The following SLC39A10 variants were observed in gnomAD, a reference collection of about 807,000 sequenced individuals.
SLC39A10 encodes the protein solute carrier family 39 member 10, also known as zinc transporter ZIP10.
In SLC39A10, 13 loss-of-function variants were observed where a neutral mutation model predicts 65.1. The ratio of observed to expected loss-of-function variants is 0.20; its 90% confidence interval spans 0.13 to 0.32. The LOEUF is 0.32. Among genes scored for constraint, SLC39A10 ranks in the 10% least tolerant of loss-of-function variants. The pLI, the probability that SLC39A10 is intolerant of heterozygous loss-of-function variation, is 1.00. For synonymous variants in SLC39A10, 321 were observed against 342.2 expected (o/e 0.94, Z 0.68); for missense variants, 831 against 1,018.4 (o/e 0.82, Z 2.50).
chr2:195,646,515 G>T (rs1688918898), intron 2 of SLC39A10, among the ~76,000 whole-genome samples: 1 of 152,212 alleles, frequency 6.6e-6, no homozygotes, highest in Non-Finnish European at 1.5e-5. Context: ...CAGGGTGTCA[G>T]CAGGGCCACG....
chr2:195,706,977 TCAA>T (rs1691422181), intron 4 of SLC39A10, among the ~76,000 whole-genome samples, 192 bp downstream of exon 4: 1 of 152,140 alleles, frequency 6.6e-6, no homozygotes. Context: ...AATCATTAGG[TCAA>T]CTTTGCTTTC....
Position 195,617,593 on chromosome 2 carries a change from G to A in SLC39A10, c.-12+11360G>A, listed in dbSNP as rs183878173. The stretch of plus-strand genomic sequence containing the variant: ...AAAAAGAAAGTTAACTGAGATGACC[G>A]AGCATGGTGGCTCACGCCTGTAAGT... On this transcript the variant is annotated intron_variant, in intron 2 of 2. Coordinates refer to the SLC39A10 transcript ENST00000458054. 2.0e-3 allele frequency among the ~76,000 whole-genome samples: 311 copies of A among 151,902 alleles called. 1 individual carries two copies. The highest frequency in any genetic ancestry group is 7.0e-3 in the African/African-American group (292 of 41,432).
chr2:195,702,788 G>A (rs747241809), intron 3 of SLC39A10, among the ~76,000 whole-genome samples: 16 of 152,298 alleles, frequency 1.1e-4, no homozygotes, highest in Non-Finnish European at 2.1e-4. Flanking sequence ...CCAGTTGAGC[G>A]GAAAGTTTGT....
chr2:195,642,793 C>T (rs1688837538), intron 2 of SLC39A10, among the ~76,000 whole-genome samples: 1 of 152,132 alleles, frequency 6.6e-6, no homozygotes, highest in African/African-American at 2.4e-5. Context: ...TAAAACACTC[C>T]TTTACACACA....
chr2:195,703,467 T>C (rs1441108153), intron 3 of SLC39A10, among the ~76,000 whole-genome samples: 1 of 152,184 alleles, frequency 6.6e-6, no homozygotes, highest in Non-Finnish European at 1.5e-5. Context: ...TCCTAGAATT[T>C]AGGTCTTTTT....
intron 2 of SLC39A10, among the ~76,000 whole-genome samples, chr2:195,645,207 C>T (rs955136862): frequency 3.9e-5 from 6 of 151,954 alleles, no homozygotes; most frequent in African/African-American, 9.7e-5. Flanking sequence ...CCGCGCCTGG[C>T]CATCTAACTA....
chr2:195,636,948 A>G (rs1688708259), intron 2 of SLC39A10, among the ~76,000 whole-genome samples: 1 of 152,098 alleles, frequency 6.6e-6, no homozygotes, highest in South Asian at 2.1e-4. Context: ...TTTGGTTTAG[A>G]CTAATAAAAT....
chr2:195,681,100 G>GT lies in SLC39A10; in HGVS notation c.1008+51dup, dbSNP rs775084692. The GT allele has an allele frequency of 3.9e-6, 6 of 1,527,340 alleles. No individual in the cohort carries two copies. The South Asian group carries it at 7.7e-5, about 20-fold the overall frequency. 94.6% of individuals were successfully genotyped at this position (1,527,340 alleles called of 1,614,324 possible). ...GCTGCTTCGTAATTCTCACATAATT[G>GT]TGGTGCATTTTAAAAACAGGATAAG... On this transcript the variant is annotated intron_variant, in intron 2 of 9. Coordinates refer to ENST00000359634, the MANE Select transcript of SLC39A10 (RefSeq NM_020342.3).
intron 3 of SLC39A10, among the ~76,000 whole-genome samples, chr2:195,688,938 A>T (rs1690623491): frequency 1.3e-5 from 2 of 152,190 alleles, no homozygotes; most frequent in South Asian, 4.1e-4. Flanking sequence ...TGCCATTTGG[A>T]TTAATAAAGT....
In SLC39A10 at chr2:195,717,124, C is replaced by T. The variant is rs1202843566; in HGVS notation, c.2065+119C>T. 3.0e-6 allele frequency: 4 copies of T among 1,355,872 alleles called. No individual in the cohort carries two copies. The East Asian group carries it at 7.0e-5, about 24-fold the overall frequency. 84.0% of individuals were successfully genotyped at this position (1,355,872 alleles called of 1,614,324 possible). A position where few individuals can be genotyped will look rare whatever the true frequency, so the allele number is the denominator to read the frequency against. On this transcript the variant is annotated intron_variant, in intron 7 of 9. Coordinates refer to ENST00000359634, the MANE Select transcript of SLC39A10 (RefSeq NM_020342.3). ...TATCACTCTGGTCAGTTGATTTTTC[C>T]CAAAGGCTACAGTTTTGTGTTCAGT...
chr2:195,719,136 CT>C (rs60108852), intron 8 of SLC39A10, among the ~76,000 whole-genome samples: 4,415 of 141,240 alleles, frequency 0.031, 208 homozygotes, highest in African/African-American at 0.11. Context: ...GGACTTCATT[CT>C]TTTTTTTTTT....
At chr2:195,682,687 G>A (rs1690370924) in intron 2 of SLC39A10, among the ~76,000 whole-genome samples, 1 of 151,948 alleles carries the variant, frequency 6.6e-6, no homozygotes, top group Non-Finnish European at 1.5e-5. Flanking sequence ...TCACATCCGT[G>A]AGGTTTGCAT....
At chr2:195,624,656 C>A (rs947033814) in intron 2 of SLC39A10, among the ~76,000 whole-genome samples, 1 of 148,270 alleles carries the variant, frequency 6.7e-6, no homozygotes, top group South Asian at 2.1e-4. Context: ...GGGTGGATCA[C>A]CTGAGGTCAG....
rs1161289324 is a variant in SLC39A10 at position 195,716,785 on chromosome 2, C to T, written c.1845C>T (p.Thr615=). The change falls in exon 7 of 10, where the codon ACC becomes ACT. Residue 615 remains threonine, a synonymous_variant. Coordinates refer to ENST00000359634, the MANE Select transcript of SLC39A10 (RefSeq NM_020342.3). Reference sequence around the variant, plus strand: ...ATTCTCACAGTGATGGATTACATACCATTCATGAGCATGATCTCCATGCTG... The same window carrying T: ...ATTCTCACAGTGATGGATTACATACTATTCATGAGCATGATCTCCATGCTG... The part of the protein sequence containing the change: ...IDHSHSDGLH[T]IHEHDLHAAA... 6.2e-7 allele frequency: 1 copy of T among 1,614,096 alleles called. No individual in the cohort carries two copies. The highest frequency in any genetic ancestry group is 1.1e-5 in the South Asian group (1 of 91,078).
In SLC39A10 at chr2:195,681,165, A is replaced by G; in HGVS notation, c.1008+115A>G. 4 of 957,640 alleles carry G rather than the reference A, an allele frequency of 4.2e-6. 1 individual carries two copies. The South Asian group carries it at 6.9e-5, about 17-fold the overall frequency. The allele number at this position is 957,640 out of a possible 1,614,324, so 59.3% of individuals were successfully genotyped here. A position where few individuals can be genotyped will look rare whatever the true frequency, so the allele number is the denominator to read the frequency against. ...TAATCATATTTAAACTTATTTCCAT[A>G]TGTTTACCTATGAAATATCAGGTAA... On this transcript the variant is annotated intron_variant, in intron 2 of 9. Transcript: ENST00000359634.
rs570179628 is a variant in SLC39A10 at position 195,659,355 on chromosome 2, G to A, written c.-12+2074G>A. On this transcript the variant is annotated intron_variant, in intron 1 of 9. Transcript: ENST00000359634. ...TTCTAACTGCTTAAAAGCTAACACG[G>A]TCCTTCCCTTTTTTTGAGCACCTGA... Among the ~76,000 whole-genome samples, 9 of 152,214 alleles carry A rather than the reference G, an allele frequency of 5.9e-5. No individual in the cohort carries two copies. The South Asian group carries it at 1.9e-3, about 32-fold the overall frequency.
At chr2:195,622,972 CAAAAAAAAAAAA>C (rs11440347) in intron 2 of SLC39A10, among the ~76,000 whole-genome samples, 2 of 96,870 alleles carry the variant, frequency 2.1e-5, no homozygotes, top group African/African-American at 4.2e-5. Flanking sequence ...ACTCCTGTCT[CAAAAAAAAAAAA>C]AAAAAAAAAA....
intron 3 of SLC39A10, among the ~76,000 whole-genome samples, chr2:195,694,708 C>G (rs1236719261): frequency 1.3e-5 from 2 of 152,098 alleles, no homozygotes; most frequent in East Asian, 1.9e-4. Flanking sequence ...GTTTGGCGCT[C>G]TGGTTTTGTG....
At chr2:195,629,990 C>T (rs1688551733) in intron 2 of SLC39A10, among the ~76,000 whole-genome samples, 1 of 151,954 alleles carries the variant, frequency 6.6e-6, no homozygotes, top group Non-Finnish European at 1.5e-5. Flanking sequence ...CCCACTTTGG[C>T]CTCCCAAAGT....
Sources: gnomAD v4.1 joint callset for allele counts (sites outside exome capture counted in the v4.1 genomes callset) on GRCh38, gnomAD v4.1.1 for gene constraint, MANE v1.5 for transcripts, NCBI Gene and HGNC (gene_info 2026-07-23, HGNC 2026-07-21) for gene names.